The following CPHXL2 variants were observed in gnomAD, a reference collection of about 807,000 sequenced individuals.
The protein encoded by CPHXL2 is cytoplasmic polyadenylated homeobox-like protein 2.
chr16:75,669,764 T>C, the CPHXL2 span, among the ~76,000 whole-genome samples: 2 of 152,242 alleles, frequency 1.3e-5, no homozygotes, highest in Admixed American at 6.5e-5. Flanking sequence ...GTTGCGTTTT[T>C]GTAAATAGAG....
At chr16:75,671,720 G>A in the CPHXL2 span, among the ~76,000 whole-genome samples, 1 of 152,194 alleles carries the variant, frequency 6.6e-6, no homozygotes, top group East Asian at 1.9e-4. Context: ...ATTTATGAAT[G>A]AAGTAACTGG....
chr16:75,663,717 A>C, the CPHXL2 span, among the ~76,000 whole-genome samples: 1 of 151,648 alleles, frequency 6.6e-6, no homozygotes, highest in South Asian at 2.1e-4. Flanking sequence ...CCCTGTCTCT[A>C]CTAAAAAAAA....
the CPHXL2 span, among the ~76,000 whole-genome samples, chr16:75,663,524 C>A: frequency 6.6e-6 from 1 of 152,154 alleles, no homozygotes; most frequent in African/African-American, 2.4e-5. Flanking sequence ...GGGAGCCACA[C>A]CTGCCTCATT....
the CPHXL2 span, among the ~76,000 whole-genome samples, chr16:75,663,151 T>C: frequency 6.6e-6 from 1 of 152,206 alleles, no homozygotes; most frequent in Non-Finnish European, 1.5e-5. Flanking sequence ...ACTTGCATAA[T>C]CTAACAGGAA....
the CPHXL2 span, among the ~76,000 whole-genome samples, chr16:75,670,065 C>A: frequency 6.6e-6 from 1 of 152,170 alleles, no homozygotes; most frequent in African/African-American, 2.4e-5. Flanking sequence ...CAGGCACCTG[C>A]CACTACGCCC....
chr16:75,674,389 A>G, the CPHXL2 span, among the ~76,000 whole-genome samples: 1 of 151,732 alleles, frequency 6.6e-6, no homozygotes, highest in Non-Finnish European at 1.5e-5. Context: ...AAAAAAAAAA[A>G]AAAAAGAAGT....
chr16:75,670,547 C>T, the CPHXL2 span, among the ~76,000 whole-genome samples: 2 of 152,140 alleles, frequency 1.3e-5, no homozygotes, highest in African/African-American at 2.4e-5. Context: ...GTCTCACTGT[C>T]GCCGAGGCTG....
chr16:75,670,737 T>A, the CPHXL2 span, among the ~76,000 whole-genome samples: 1 of 152,158 alleles, frequency 6.6e-6, no homozygotes, highest in East Asian at 1.9e-4. Context: ...GCTCAAGTGA[T>A]CCACCTTTCT....
the CPHXL2 span, among the ~76,000 whole-genome samples, chr16:75,664,549 G>A: frequency 1.3e-5 from 2 of 151,318 alleles, no homozygotes; most frequent in Non-Finnish European, 2.9e-5. Flanking sequence ...TGCTTGAACT[G>A]GGGAGGCAGA....
chr16:75,668,020 C>T, the CPHXL2 span, among the ~76,000 whole-genome samples: 27 of 152,250 alleles, frequency 1.8e-4, no homozygotes, highest in East Asian at 4.8e-3. Context: ...GCACAGCTAG[C>T]AAGCTGGCCC....
the CPHXL2 span, among the ~76,000 whole-genome samples, chr16:75,672,641 C>T: frequency 1.3e-4 from 20 of 152,222 alleles, no homozygotes; most frequent in African/African-American, 3.6e-4. Flanking sequence ...GCTTGCAATA[C>T]GCCCGGATAA....
the CPHXL2 span, among the ~76,000 whole-genome samples, chr16:75,662,339 T>TC: frequency 2.7e-5 from 4 of 149,462 alleles, no homozygotes; most frequent in East Asian, 5.8e-4. Flanking sequence ...TCTTTTCTTT[T>TC]TTTTTTTTTT....
At chr16:75,669,605 A>T in the CPHXL2 span, 1 of 398,204 alleles carries the variant, frequency 2.5e-6, no homozygotes, top group Admixed American at 4.4e-5. Context: ...TATTGGTAAT[A>T]ACCAGACCAA....
the CPHXL2 span, among the ~76,000 whole-genome samples, chr16:75,668,029 C>G: frequency 6.6e-6 from 1 of 152,070 alleles, no homozygotes; most frequent in Non-Finnish European, 1.5e-5. Context: ...GCAAGCTGGC[C>G]CAAACCACCG....
the CPHXL2 span, among the ~76,000 whole-genome samples, chr16:75,672,283 A>C: frequency 1.3e-5 from 2 of 151,980 alleles, no homozygotes; most frequent in African/African-American, 2.4e-5. Context: ...CATCTCAAAA[A>C]AAAAAAAAAA....
At chr16:75,674,722 T>A in the CPHXL2 span, among the ~76,000 whole-genome samples, 1 of 152,028 alleles carries the variant, frequency 6.6e-6, no homozygotes, top group African/African-American at 2.4e-5. Flanking sequence ...ATTGATATTA[T>A]TATTTGAGAC....
the CPHXL2 span, among the ~76,000 whole-genome samples, chr16:75,664,478 A>G: frequency 6.6e-6 from 1 of 152,118 alleles, no homozygotes; most frequent in Non-Finnish European, 1.5e-5. Flanking sequence ...GTACAAAATT[A>G]GCTAGGCATG....
chr16:75,675,310 G>A, the CPHXL2 span, among the ~76,000 whole-genome samples: 2 of 151,226 alleles, frequency 1.3e-5, no homozygotes, highest in Non-Finnish European at 2.9e-5. Context: ...GTGAGCCACC[G>A]TGCCCAGTAC....
the CPHXL2 span, among the ~76,000 whole-genome samples, chr16:75,666,743 T>G: frequency 6.6e-6 from 1 of 152,184 alleles, no homozygotes; most frequent in East Asian, 1.9e-4. Context: ...CACAGATATT[T>G]GCAGAACATT....
Sources: allele counts gnomAD v4.1 joint callset (sites outside exome capture counted in the v4.1 genomes callset), GRCh38; gene constraint gnomAD v4.1.1; transcripts MANE v1.5; gene names NCBI Gene and HGNC (gene_info 2026-07-23, HGNC 2026-07-21).